The following LANCL2 variants were observed in gnomAD, a reference collection of about 807,000 sequenced individuals.
LANCL2 encodes the protein LanC like glutathione S-transferase 2, also known as lanC-like protein 2.
A neutral mutation model predicts 56.9 loss-of-function variants in LANCL2; 33 were observed. The ratio of observed to expected loss-of-function variants is 0.58; its 90% CI spans 0.44 to 0.78. The LOEUF is 0.78. Among genes scored for constraint, LANCL2 ranks in the 30% least tolerant of loss-of-function variants. The probability of loss-of-function intolerance (pLI) is 0.00; values close to 1 mark genes in which losing one functional copy is unlikely to be tolerated. For missense variants in LANCL2, 562 were observed against 580.2 expected, an observed-to-expected ratio of 0.97 and a Z score of 0.32; for synonymous variants, 233 against 228.2, an observed-to-expected ratio of 1.02 and a Z score of -0.19.
chr7:55,424,845 C>T (rs1192204036), intron 6 of LANCL2, among the ~76,000 whole-genome samples: 1 of 152,196 alleles, frequency 6.6e-6, no homozygotes, highest in Non-Finnish European at 1.5e-5. Context: ...GTCAGATCAG[C>T]GGCCACATTA....
chr7:55,407,876 C>A (rs1190474443), intron 5 of LANCL2, among the ~76,000 whole-genome samples: 7 of 152,248 alleles, frequency 4.6e-5, no homozygotes, highest in Admixed American at 4.6e-4. Context: ...CATCCAGCCA[C>A]TCCACAGTGA....
At chr7:55,396,709 C>CT (rs59378780) in intron 2 of LANCL2, among the ~76,000 whole-genome samples, 5 of 151,150 alleles carry the variant, frequency 3.3e-5, no homozygotes, top group African/African-American at 7.3e-5. Flanking sequence ...GCATGATGAC[C>CT]TTTTTTTTTT....
chr7:55,371,960 C>A (rs1789948358), intron 1 of LANCL2, among the ~76,000 whole-genome samples: 1 of 152,022 alleles, frequency 6.6e-6, no homozygotes, highest in Admixed American at 6.6e-5. Context: ...TACTCTACAA[C>A]TTCTCAGAGT....
chr7:55,402,434 A>C (rs1459825047), intron 5 of LANCL2, among the ~76,000 whole-genome samples: 419 of 46,714 alleles, frequency 9.0e-3, no homozygotes, highest in Admixed American at 0.014. Flanking sequence ...GGCTGACCCC[A>C]CCACCTCCCT....
rs201613404 is a variant in LANCL2 at position 55,397,959 on chromosome 7, GAAA to G, written c.323-457_323-455del. Reference sequence around the variant, plus strand: ...GAACATTGAAAAATTGGGAAAAATAGAAAAAAAAATAGGAAGAAGGGAGTATAA... The same window carrying G: ...GAACATTGAAAAATTGGGAAAAATAGAAAAAATAGGAAGAAGGGAGTATAA... On this transcript the variant is annotated intron_variant, in intron 2 of 8. Transcript: ENST00000254770. 2.7e-5 allele frequency among the ~76,000 whole-genome samples: 4 copies of G among 149,210 alleles called. No homozygotes were observed. In the East Asian group the frequency reaches 7.8e-4, roughly 29 times the overall value.
chr7:55,403,314 G>A (rs1201520296), intron 5 of LANCL2, among the ~76,000 whole-genome samples: 1,644 of 149,076 alleles, frequency 0.011, no homozygotes, highest in African/African-American at 0.04. Context: ...ATGGCGGCGC[G>A]CGCCTGCAAT....
At chr7:55,414,266 C>T (rs576499977) in intron 6 of LANCL2, among the ~76,000 whole-genome samples, 1 of 152,144 alleles carries the variant, frequency 6.6e-6, no homozygotes, top group East Asian at 1.9e-4. Context: ...TTGTGTTTGA[C>T]CAAGGCAGGG....
intron 6 of LANCL2, among the ~76,000 whole-genome samples, chr7:55,412,305 A>G (rs1790480549): frequency 1.3e-5 from 2 of 152,234 alleles, no homozygotes. Flanking sequence ...TGTGTGTGTT[A>G]ACAGGGTTTA....
chr7:55,383,010 A>G (rs957517950), intron 1 of LANCL2, among the ~76,000 whole-genome samples: 2 of 152,186 alleles, frequency 1.3e-5, no homozygotes, highest in African/African-American at 4.8e-5. Context: ...TAATCCCAGC[A>G]CTTTGGGAGG....
At chr7:55,410,600 A>G (rs866493268) in intron 5 of LANCL2, among the ~76,000 whole-genome samples, 1 of 152,350 alleles carries the variant, frequency 6.6e-6, no homozygotes, top group South Asian at 2.1e-4. Flanking sequence ...GACATGTGCA[A>G]TTAAAGCCAA....
chr7:55,385,240 C>T (rs551766537), intron 1 of LANCL2, among the ~76,000 whole-genome samples: 5 of 151,988 alleles, frequency 3.3e-5, no homozygotes, highest in East Asian at 1.9e-4. Flanking sequence ...GGGTGAGTGG[C>T]GACTTTCTGG....
chr7:55,418,873 G>T (rs1281119902), intron 6 of LANCL2, among the ~76,000 whole-genome samples: 2 of 151,804 alleles, frequency 1.3e-5, no homozygotes, highest in African/African-American at 2.4e-5. Flanking sequence ...TTATTCAAAC[G>T]CTCCTATGGT....
intron 2 of LANCL2, chr7:55,397,072 C>G (rs1339973436): frequency 6.6e-6 from 1 of 152,008 alleles, no homozygotes; most frequent in African/African-American, 2.4e-5. Flanking sequence ...TGATGAAAGA[C>G]TTCAAAAAGT....
intron 7 of LANCL2, among the ~76,000 whole-genome samples, chr7:55,427,631 A>G (rs76047204): frequency 1.8e-3 from 269 of 152,348 alleles, no homozygotes; most frequent in Middle Eastern, 6.8e-3. Flanking sequence ...TGGGCCATCA[A>G]ACAAGCTAAG....
intron 5 of LANCL2, among the ~76,000 whole-genome samples, chr7:55,408,745 G>A (rs555858485): frequency 6.6e-6 from 1 of 152,124 alleles, no homozygotes; most frequent in Non-Finnish European, 1.5e-5. Context: ...CACAATGAGT[G>A]CAGACAGACA....
chr7:55,398,528 G>A lies in LANCL2; in HGVS notation c.428G>A (p.Arg143His), dbSNP rs764960212. The change falls in exon 3 of 9, where the codon CGC becomes CAC. Residue 143 changes from arginine to histidine, a missense_variant. Coordinates refer to ENST00000254770, the MANE Select transcript of LANCL2 (RefSeq NM_018697.4). ...AGAACACTTCGGAATCTGAATGGCCGCAGGGTCACCTTCCTCTGTGGGGAT... is the reference window on the plus strand; with the variant it reads ...AGAACACTTCGGAATCTGAATGGCCACAGGGTCACCTTCCTCTGTGGGGAT... The part of the protein sequence containing the change: ...VKRTLRNLNG[R>H]RVTFLCGDAG... The A allele has an allele frequency of 1.4e-5, 22 of 1,614,096 alleles. 1 individual carries two copies. Among genetic ancestry groups the A allele is most frequent in the African/African-American group, 8.0e-5 (6 of 75,036 alleles).
chr7:55,423,577 G>A (rs1304836147), intron 6 of LANCL2, among the ~76,000 whole-genome samples: 2 of 152,140 alleles, frequency 1.3e-5, no homozygotes, highest in South Asian at 2.1e-4. Flanking sequence ...TGTGTGTGCC[G>A]GCACAATACC....
chr7:55,366,104 C>A lies in LANCL2; in HGVS notation c.79C>A (p.Pro27Thr), dbSNP rs750313603. The A allele has an allele frequency of 6.5e-7, 1 of 1,543,416 alleles. No individual in the cohort carries two copies. Among genetic ancestry groups the A allele is most frequent in the Admixed American group, 1.9e-5 (1 of 51,460 alleles). ...AEMEERAFVN[P>T]FPDYEAAAGA... ...AATGGAGGAACGGGCGTTCGTCAAC[C>A]CCTTCCCGGACTACGAGGCCGCCGC... is the stretch of plus-strand genomic sequence containing the variant. The change falls in exon 1 of 9, where the codon CCC becomes ACC. Residue 27 changes from proline to threonine, a missense_variant. Pro to Thr is a conservative substitution (Grantham distance 38, BLOSUM62 -1). This residue lies in a region of LANCL2 where 184 missense variants were observed against 111.8 expected (regional missense o/e 1.65). Transcript: ENST00000254770.
intron 3 of LANCL2, 144 bp from the exon 4 acceptor site, chr7:55,399,813 T>G: frequency 3.4e-5 from 19 of 561,610 alleles, no homozygotes; most frequent in East Asian, 9.5e-5. Flanking sequence ...TTTTGTTGTG[T>G]TCTGGATTTG....
Sources: allele counts gnomAD v4.1 joint callset (sites outside exome capture counted in the v4.1 genomes callset), GRCh38; gene constraint gnomAD v4.1.1; regional missense constraint gnomAD v4.1.1; transcripts MANE v1.5; gene names NCBI Gene and HGNC (gene_info 2026-07-23, HGNC 2026-07-21).